The following DPP6 variants were observed in gnomAD, a reference collection of about 807,000 sequenced individuals.
DPP6 encodes the protein A-type potassium channel modulatory protein DPP6.
A neutral mutation model predicts 122.6 loss-of-function variants in DPP6; 69 were observed. That is an observed-to-expected ratio of 0.56 (90% CI 0.46 to 0.69). The LOEUF (loss-of-function observed/expected upper bound fraction) is 0.69, where lower values mean the gene tolerates loss of function less well. Among genes scored for constraint, DPP6 ranks in the 30% least tolerant of loss-of-function variants. The probability of loss-of-function intolerance (pLI) is 0.00; values close to 1 mark genes in which losing one functional copy is unlikely to be tolerated. For synonymous variants in DPP6, 418 were observed against 433.1 expected (o/e 0.97, Z 0.43); for missense variants, 928 against 1,116.9 (o/e 0.83, Z 2.41).
chr7:153,778,084 A>G, the DPP6 span, among the ~76,000 whole-genome samples: 1 of 149,404 alleles, frequency 6.7e-6, no homozygotes, highest in African/African-American at 2.6e-5. Flanking sequence ...AAAATGTTAA[A>G]CTCTAGTAAA....
intron 1 of DPP6, among the ~76,000 whole-genome samples, chr7:154,107,678 C>T (rs999613185): frequency 1.3e-5 from 2 of 152,178 alleles, no homozygotes; most frequent in African/African-American, 4.8e-5. Context: ...TAATGGACCC[C>T]ATGAATATAT....
At chr7:154,061,698 G>A (rs1318485805) in intron 1 of DPP6, among the ~76,000 whole-genome samples, 1 of 65,334 alleles carries the variant, frequency 1.5e-5, no homozygotes, top group Admixed American at 1.5e-4. Context: ...CACCATCGCA[G>A]GGGGGGAGGC....
intron 1 of DPP6, among the ~76,000 whole-genome samples, chr7:153,899,853 T>C (rs1454578074): frequency 1.3e-5 from 2 of 152,264 alleles, no homozygotes; most frequent in East Asian, 1.9e-4. Flanking sequence ...TGAACTTTGC[T>C]TCTTTCTCAT....
intron 1 of DPP6, among the ~76,000 whole-genome samples, chr7:154,135,358 A>G (rs1196775124): frequency 2.0e-5 from 3 of 149,268 alleles, no homozygotes; most frequent in African/African-American, 5.0e-5. Flanking sequence ...CACACTTCCT[A>G]TGAGGCCACA....
At chr7:154,313,725 G>GCACA (rs1807164804) in intron 1 of DPP6, among the ~76,000 whole-genome samples, 1 of 38,450 alleles carries the variant, frequency 2.6e-5, no homozygotes, top group Non-Finnish European at 6.8e-5. Context: ...ACACACACAC[G>GCACA]CACGCACACA....
At chr7:154,346,877 A>C (rs1483807405) in intron 1 of DPP6, among the ~76,000 whole-genome samples, 1 of 152,168 alleles carries the variant, frequency 6.6e-6, no homozygotes, top group East Asian at 1.9e-4. Context: ...GTAACTTAAA[A>C]TCTACTAATC....
At chr7:154,560,406 A>C (rs1830346372) in intron 4 of DPP6, among the ~76,000 whole-genome samples, 1 of 152,202 alleles carries the variant, frequency 6.6e-6, no homozygotes. Context: ...AGTGGCAATA[A>C]TAAATCTGAT....
At chr7:154,040,098 G>C (rs1346077305) in intron 1 of DPP6, among the ~76,000 whole-genome samples, 1 of 132,404 alleles carries the variant, frequency 7.6e-6, no homozygotes, top group Non-Finnish European at 1.6e-5. Context: ...TGGCTTTGCT[G>C]TTGTTTGTTC....
intron 5 of DPP6, among the ~76,000 whole-genome samples, chr7:154,577,486 G>A (rs1338494481): frequency 6.6e-6 from 1 of 152,142 alleles, no homozygotes; most frequent in Non-Finnish European, 1.5e-5. Context: ...AAAGCCGTGT[G>A]GGGTGTCTGT....
At chr7:154,220,456 C>A (rs998154685) in intron 1 of DPP6, among the ~76,000 whole-genome samples, 2 of 152,140 alleles carry the variant, frequency 1.3e-5, no homozygotes, top group African/African-American at 4.8e-5. Flanking sequence ...GCAGAGAAAG[C>A]AACTATTGGG....
intron 1 of DPP6, among the ~76,000 whole-genome samples, chr7:154,297,260 C>T (rs188906093): frequency 1.9e-4 from 29 of 152,198 alleles, no homozygotes; most frequent in African/African-American, 6.5e-4. Context: ...TTACACTTTA[C>T]GGCTACATGG....
At chr7:153,833,323 T>G in the DPP6 span, among the ~76,000 whole-genome samples, 159 of 152,198 alleles carry the variant, frequency 1.0e-3, no homozygotes, top group African/African-American at 3.7e-3. Context: ...TCTTTTTGTA[T>G]AGGCATAAGC....
At chr7:153,849,428 C>G in the DPP6 span, among the ~76,000 whole-genome samples, 3 of 152,082 alleles carry the variant, frequency 2.0e-5, no homozygotes, top group Non-Finnish European at 4.4e-5. Flanking sequence ...AGCCAGCCCC[C>G]CTTATTGCTT....
intron 1 of DPP6, among the ~76,000 whole-genome samples, chr7:154,218,586 G>T (rs1391157758): frequency 1.3e-5 from 2 of 152,112 alleles, no homozygotes; most frequent in African/African-American, 4.8e-5. Context: ...ACATTATATG[G>T]GTATTGCTGG....
chr7:154,641,045 C>T (rs1418780169), intron 6 of DPP6, among the ~76,000 whole-genome samples: 1 of 152,068 alleles, frequency 6.6e-6, no homozygotes, highest in African/African-American at 2.4e-5. Context: ...GTTGTCCTTC[C>T]TTTTGGCAAA....
At chr7:154,723,784 G>T (rs944691855) in intron 7 of DPP6, among the ~76,000 whole-genome samples, 2 of 152,166 alleles carry the variant, frequency 1.3e-5, no homozygotes, top group African/African-American at 4.8e-5. Context: ...AAATGACACT[G>T]CAATATTTTT....
At chr7:154,055,166 G>A (rs962156850) in intron 1 of DPP6, among the ~76,000 whole-genome samples, 6 of 138,038 alleles carry the variant, frequency 4.3e-5, no homozygotes, top group Admixed American at 1.5e-4. Context: ...GTGTACTCCC[G>A]ATATATATAT....
intron 16 of DPP6, among the ~76,000 whole-genome samples, chr7:154,811,120 T>C (rs919597676): frequency 6.6e-6 from 1 of 152,230 alleles, no homozygotes; most frequent in Non-Finnish European, 1.5e-5. Context: ...AGTGTTTACA[T>C]AATAAGCTAT....
At chr7:153,957,928 C>A (rs1795141055) in intron 1 of DPP6, among the ~76,000 whole-genome samples, 1 of 152,076 alleles carries the variant, frequency 6.6e-6, no homozygotes, top group African/African-American at 2.4e-5. Flanking sequence ...CTTGGGGAGG[C>A]CAAGGTGGGT....
Sources: allele counts gnomAD v4.1 joint callset (sites outside exome capture counted in the v4.1 genomes callset), GRCh38; gene constraint gnomAD v4.1.1; transcripts MANE v1.5; gene names NCBI Gene and HGNC (gene_info 2026-07-23, HGNC 2026-07-21).